ADAM33: variants seen among roughly 807,000 people sequenced by gnomAD.
ADAM33 encodes the protein ADAM metallopeptidase domain 33, also known as disintegrin and metalloproteinase domain-containing protein 33.
In ADAM33, 103 loss-of-function variants were observed where a neutral mutation model predicts 106.2. The observed-to-expected ratio is 0.97, with a 90% CI of 0.83 to 1.14. The LOEUF is 1.14. Among genes scored for constraint, ADAM33 ranks in the 50% most tolerant of loss-of-function variants. The probability of loss-of-function intolerance (pLI) is 0.00; values close to 1 mark genes in which losing one functional copy is unlikely to be tolerated. For missense variants in ADAM33, 1,120 were observed against 1,096.6 expected (o/e 1.02, Z -0.30); for synonymous variants, 483 against 453.0 (o/e 1.07, Z -0.84).
Position 3,675,457 on chromosome 20 carries a change from A to T in ADAM33, c.255-352T>A, listed in dbSNP as rs564434584. Among the ~76,000 whole-genome samples the T allele has an allele frequency of 1.3e-5, 2 of 152,198 alleles. No individual in the cohort carries two copies. Among genetic ancestry groups the T allele is most frequent in the East Asian group, 3.9e-4 (2 of 5,182 alleles). On this transcript the variant is annotated intron_variant, in intron 3 of 21. Transcript: ENST00000356518. This position sits in a 1 kb window ranked among gnomAD's most constrained non-coding sequence, Gnocchi z 4.1. ...GGGGAGGAGTCAGGAGACACTGCCG[A>T]AGAATGGGACTTGGAGTTGGGGAAA...
chr20:3,677,654 C>T (rs1054053577), intron 2 of ADAM33, among the ~76,000 whole-genome samples: 1 of 152,254 alleles, frequency 6.6e-6, no homozygotes, highest in South Asian at 2.1e-4. Flanking sequence ...AAACTGCTCC[C>T]TCTTCCAAAG....
rs1431631120 is a variant in ADAM33, at chr20:3,671,642, G to A, written c.1844C>T (p.Ala615Val). 3 of 1,578,796 alleles carry A rather than the reference G, an allele frequency of 1.9e-6. No homozygotes were observed. Among genetic ancestry groups the A allele is most frequent in the Non-Finnish European group, 2.6e-6 (3 of 1,161,806 alleles). Residue 615 changes from alanine to valine, a missense_variant, in exon 16 of 22, where the codon GCC (alanine) becomes GTC (valine). Physicochemically the swap from Ala to Val is moderately conservative, Grantham distance 64 (BLOSUM62 0). Coordinates refer to ENST00000356518, the MANE Select transcript of ADAM33 (RefSeq NM_025220.5). ...GCCCAGGCCAAGCAGGTCCAGCTGG[G>A]CACTGGGGAGTGCCAAGGCTCCCCG... ...TCRGALALPS[A>V]QLDLLGLGLV...
chr20:3,677,207 G>A, intron 2 of ADAM33, 64 bp from the exon 3 acceptor site: 3 of 1,416,934 alleles, frequency 2.1e-6, no homozygotes, highest in African/African-American at 2.9e-5. Context: ...CCAGGGAGTA[G>A]GTGGCCTGTG....
At position 3,669,647 on chromosome 20, in the gene ADAM33, G is replaced by A. The variant is rs531336690; in HGVS notation, c.2241-10C>T. On this transcript the variant is annotated splice_polypyrimidine_tract_variant and intron_variant, in intron 19 of 21. Coordinates refer to ENST00000356518, the MANE Select transcript of ADAM33 (RefSeq NM_025220.5). ...TGGGCCATCTTTGGGGCTGAGCAAC[G>A]TGATAAGAGTCCAGGAGGTTGGCAC... 62 of 1,595,950 alleles carry A rather than the reference G, an allele frequency of 3.9e-5. No homozygotes were observed. The highest frequency in any genetic ancestry group is 5.7e-5 in the South Asian group (5 of 87,384).
Position 3,672,807 on chromosome 20 carries a change from G to C in ADAM33, c.1225C>G (p.Pro409Ala). ...GGCGGCACCGGGAGTCCGGGGTCCG[G>C]GGCATTGGAGAGGCAAGCGCCGCCC... Reference protein sequence around the residue: ...KGGGACLSNAPDPGLPVPPAL... With the variant: ...KGGGACLSNAADPGLPVPPAL... The change falls in exon 12 of 22, where the codon CCG becomes GCG. Residue 409 changes from proline to alanine, a missense_variant. Pro to Ala is a conservative substitution (Grantham distance 27). Coordinates refer to ENST00000356518, the MANE Select transcript of ADAM33 (RefSeq NM_025220.5). The C allele has an allele frequency of 6.3e-7, 1 of 1,576,482 alleles. No individual in the cohort carries two copies. Among genetic ancestry groups the C allele is most frequent in the South Asian group, 1.1e-5 (1 of 88,044 alleles).
rs41515144 is a variant in ADAM33, at chr20:3,670,580, G to A, written c.2240+426C>T. ...GGCCCAGCATTTGGGAACTTCAAGG[G>A]GGTGACAGAGGTGATTTGTGCAGAG... On this transcript the variant is annotated intron_variant, in intron 19 of 21. Coordinates refer to ENST00000356518, the MANE Select transcript of ADAM33 (RefSeq NM_025220.5). 278 of 175,476 alleles carry A rather than the reference G, an allele frequency of 1.6e-3. 1 individual carries two copies. Among genetic ancestry groups the A allele is most frequent in the African/African-American group, 6.3e-3 (266 of 42,282 alleles). 10.9% of individuals were successfully genotyped at this position (175,476 alleles called of 1,614,324 possible).
At position 3,681,138 on chromosome 20, in the gene ADAM33, C is replaced by T. The variant is rs568589032; in HGVS notation, c.97+770G>A. 4.7e-4 allele frequency among the ~76,000 whole-genome samples: 72 copies of T among 152,242 alleles called. 1 individual carries two copies. The highest frequency in any genetic ancestry group is 1.7e-3 in the African/African-American group (69 of 41,532). The stretch of plus-strand genomic sequence containing the variant: ...CATAGCACAGCCCAGCCCCGCATGC[C>T]CCCTCCCTGGTTGCCCTCCCTGTTC... On this transcript the variant is annotated intron_variant, in intron 1 of 21. Coordinates refer to ENST00000356518, the MANE Select transcript of ADAM33 (RefSeq NM_025220.5).
rs144966028 is a variant in ADAM33 at position 3,673,834 on chromosome 20, C to T, written c.816G>A (p.Thr272=). 8 of 1,560,740 alleles carry T rather than the reference C, an allele frequency of 5.1e-6. No individual in the cohort carries two copies. The South Asian group carries it at 6.9e-5, about 14-fold the overall frequency. ...VWTERDRSRV[T]QDANATLWAF... is the part of the protein sequence containing the mutation. ...CCCAGAGCGTGGCGTTGGCGTCCTG[C>T]GTGACGCGGCTGCGGTCCCGCTCGG... Residue 272 remains threonine, a synonymous_variant, in exon 9 of 22, where the codon ACG becomes ACA. Coordinates refer to ENST00000356518, the MANE Select transcript of ADAM33 (RefSeq NM_025220.5).
Position 3,681,910 on chromosome 20 carries a change from T to C in ADAM33, c.95A>G (p.Gln32Arg), listed in dbSNP as rs1299725391. The change falls in exon 1 of 22, where the codon CAA (glutamine) becomes CGA (arginine). Residue 32 changes from glutamine to arginine, a missense_variant and splice_region_variant. Coordinates refer to ENST00000356518, the MANE Select transcript of ADAM33 (RefSeq NM_025220.5). ...LWPVPGAGVL[Q>R]GHIPGQPVTP... ...GCGCACCCCGCCCGCGTCCTCACCT[T>C]GAAGCACCCCGGCGCCTGGCACTGG... 2 of 1,592,776 alleles carry C rather than the reference T, an allele frequency of 1.3e-6. No homozygotes were observed. The highest frequency in any genetic ancestry group is 2.3e-5 in the East Asian group (1 of 42,784).
At chr20:3,672,456 T>G in intron 13 of ADAM33, 81 bp downstream of exon 13, 1 of 1,584,256 alleles carries the variant, frequency 6.3e-7, no homozygotes, top group South Asian at 1.1e-5. Context: ...CGGGGGAACC[T>G]GAGGGCACCA....
At chr20:3,674,872 CA>C in intron 4 of ADAM33, 23 bp from the exon 5 acceptor site, 1 of 1,608,662 alleles carries the variant, frequency 6.2e-7, no homozygotes, top group Non-Finnish European at 8.5e-7. Flanking sequence ...GGGCCAGCCC[CA>C]AATCTCAGCC....
chr20:3,673,086 G>A, intron 11 of ADAM33, 188 bp from the exon 12 acceptor site: 1 of 1,450,448 alleles, frequency 6.9e-7, no homozygotes, highest in Non-Finnish European at 9.0e-7. Context: ...AGCAGCCCGG[G>A]ACCCAAGGTG....
Position 3,674,271 on chromosome 20 carries a change from G to C in ADAM33, c.614C>G (p.Ala205Gly). The C allele has an allele frequency of 6.2e-7, 1 of 1,613,942 alleles. No homozygotes were observed. Among genetic ancestry groups the C allele is most frequent in the Non-Finnish European group, 8.5e-7 (1 of 1,180,018 alleles). ...TTCCAGGTACTTCCGGGTCCTGCGCGCTTCTCGCCTGCCCTGCGGAGGTGC... is the reference window on the plus strand; with the variant it reads ...TTCCAGGTACTTCCGGGTCCTGCGCCCTTCTCGCCTGCCCTGCGGAGGTGC... ...GGPQSRGRRE[A>G]RRTRKYLELY... The change falls in exon 7 of 22, where the codon GCG becomes GGG. Residue 205 changes from alanine to glycine, a missense_variant. By Grantham distance (60) the Ala-to-Gly change is moderately conservative. Transcript: ENST00000356518.
chr20:3,681,825 C>G, intron 1 of ADAM33, 83 bp downstream of exon 1: 1 of 1,509,542 alleles, frequency 6.6e-7, no homozygotes, highest in South Asian at 1.3e-5. Flanking sequence ...CGCGCGCTGA[C>G]CCGAGCTCTG....
Position 3,672,138 on chromosome 20 carries a change from C to A in ADAM33, c.1593G>T (p.Gly531=). 6.2e-7 allele frequency: 1 copy of A among 1,609,656 alleles called. No individual in the cohort carries two copies. The highest frequency in any genetic ancestry group is 8.5e-7 in the Non-Finnish European group (1 of 1,177,806). Residue 531 remains glycine, a synonymous_variant, in exon 14 of 22, where the codon GGG becomes GGT. Transcript: ENST00000356518. ...AGGGTGCTCGTGTCCTCTCACCAGG[C>A]CCCCAGAGCTGCTGGCACTGCTGCT... ...TLEQQCQQLW[G]PGSHPAPEAC...
Position 3,675,064 on chromosome 20 carries a change from G to C in ADAM33, c.296C>G (p.Pro99Arg). Reference protein sequence around the residue: ...APGYIETHYGPDGQPVVLAPN... With the variant: ...APGYIETHYGRDGQPVVLAPN... ...GGCCAGCACCACTGGCTGCCCATCT[G>C]GGCCGTAGTGGGTTTCTATGTATCC... Residue 99 changes from proline (P) to arginine (R), a missense_variant, in exon 4 of 22, where the codon CCA becomes CGA. Physicochemically the swap from Pro to Arg is moderately radical, Grantham distance 103. Coordinates refer to ENST00000356518, the MANE Select transcript of ADAM33 (RefSeq NM_025220.5). This position sits in a 1 kb window ranked among gnomAD's most constrained non-coding sequence, Gnocchi z 4.1. 1.2e-6 allele frequency: 2 copies of C among 1,613,408 alleles called. No homozygotes were observed. The highest frequency in any genetic ancestry group is 1.7e-6 in the Non-Finnish European group (2 of 1,179,892).
Position 3,673,613 on chromosome 20 carries a change from C to G in ADAM33, c.951G>C (p.Glu317Asp). ...CCGAGCTCTCGGCGCGGCACATGCCCTCGACGGGCGCCAGGCCCACTGTGG... is the reference window on the plus strand; with the variant it reads ...CCGAGCTCTCGGCGCGGCACATGCCGTCGACGGGCGCCAGGCCCACTGTGG... ...QGATVGLAPV[E>D]GMCRAESSGG... The change falls in exon 10 of 22, where the codon GAG (glutamate) becomes GAC (aspartate). Residue 317 changes from glutamate (E) to aspartate (D), a missense_variant. Transcript: ENST00000356518. 7.3e-7 allele frequency: 1 copy of G among 1,361,716 alleles called. No individual in the cohort carries two copies. Among genetic ancestry groups the G allele is most frequent in the Non-Finnish European group, 9.4e-7 (1 of 1,064,914 alleles). 84.4% of individuals were successfully genotyped at this position (1,361,716 alleles called of 1,614,324 possible). A position where few individuals can be genotyped will look rare whatever the true frequency, so the allele number is the denominator to read the frequency against.
chr20:3,675,216 A>T lies in ADAM33; in HGVS notation c.255-111T>A. 1 of 776,842 alleles carries T rather than the reference A, an allele frequency of 1.3e-6. No homozygotes were observed. 48.1% of individuals were successfully genotyped at this position (776,842 alleles called of 1,614,324 possible). On this transcript the variant is annotated intron_variant, in intron 3 of 21. Coordinates refer to ENST00000356518, the MANE Select transcript of ADAM33 (RefSeq NM_025220.5). The surrounding 1 kb of genome is among the most constrained non-coding windows in gnomAD (Gnocchi z 4.1). The stretch of plus-strand genomic sequence containing the variant: ...AATGGAGCAGCTTTATGAGTGAGAC[A>T]CTCACAGTGTGTCTTAGGGAAGGGA...
Position 3,675,516 on chromosome 20 carries a change from C to T in ADAM33, c.255-411G>A, listed in dbSNP as rs922848370. Among the ~76,000 whole-genome samples the T allele has an allele frequency of 3.3e-5, 5 of 152,180 alleles. No homozygotes were observed. The highest frequency in any genetic ancestry group is 5.9e-5 in the Non-Finnish European group (4 of 67,994). On this transcript the variant is annotated intron_variant, in intron 3 of 21. Transcript: ENST00000356518. This position sits in a 1 kb window ranked among gnomAD's most constrained non-coding sequence, Gnocchi z 4.1. ...CCTCCCCCAGTTCCCCTGCCTGCTG[C>T]CCTCCTTTGTTGGGCATCTGGTCGA...
Sources: allele counts gnomAD v4.1 joint callset (sites outside exome capture counted in the v4.1 genomes callset), GRCh38; gene constraint gnomAD v4.1.1; non-coding constraint Gnocchi (gnomAD v3.1); transcripts MANE v1.5; gene names NCBI Gene and HGNC (gene_info 2026-07-23, HGNC 2026-07-21).